BCAR3: variants seen among roughly 807,000 people sequenced by gnomAD.
BCAR3 encodes the protein BCAR3 adaptor protein, NSP family member, also known as breast cancer anti-estrogen resistance protein 3.
Under a neutral mutation model 80.1 loss-of-function variants are expected in BCAR3, and 37 were observed. The observed-to-expected ratio is 0.46, with a 90% CI of 0.36 to 0.61. The LOEUF (loss-of-function observed/expected upper bound fraction) is 0.61. Ranked by LOEUF, BCAR3 falls within the 20% of genes least tolerant of loss-of-function variation. The probability of loss-of-function intolerance (pLI) is 0.00; values close to 1 mark genes in which losing one functional copy is unlikely to be tolerated. For missense variants in BCAR3, 978 were observed against 1,068.2 expected, an observed-to-expected ratio of 0.92 and a Z score of 1.18; for synonymous variants, 389 against 418.9, an observed-to-expected ratio of 0.93 and a Z score of 0.87.
chr1:93,799,607 G>A (rs1253525541), intron 2 of BCAR3, among the ~76,000 whole-genome samples: 1 of 152,108 alleles, frequency 6.6e-6, no homozygotes, highest in African/African-American at 2.4e-5. Context: ...TTTTTCTTTA[G>A]ATAACTTATG....
At chr1:93,707,210 CTG>C (rs1202734072) in intron 2 of BCAR3, among the ~76,000 whole-genome samples, 2 of 151,972 alleles carry the variant, frequency 1.3e-5, no homozygotes, top group Non-Finnish European at 2.9e-5. Flanking sequence ...TTAAAACAAA[CTG>C]TATAATATTA....
intron 3 of BCAR3, among the ~76,000 whole-genome samples, chr1:93,593,284 G>C (rs1674284605): frequency 6.6e-6 from 1 of 152,194 alleles, no homozygotes; most frequent in Non-Finnish European, 1.5e-5. Context: ...GTTCTCCCAA[G>C]TTTCCCAGCT....
intron 2 of BCAR3, among the ~76,000 whole-genome samples, chr1:93,662,004 C>T (rs527292080): frequency 3.3e-5 from 5 of 152,264 alleles, no homozygotes; most frequent in Admixed American, 2.0e-4. Context: ...ACACGTGATG[C>T]GAGAAATTCC....
chr1:93,840,347 C>T (rs978567223), intron 2 of BCAR3, among the ~76,000 whole-genome samples: 1 of 152,128 alleles, frequency 6.6e-6, no homozygotes, highest in Non-Finnish European at 1.5e-5. Context: ...ATCCTGCCTA[C>T]CTTAGAGGGT....
At chr1:93,776,060 C>T (rs939564347) in intron 2 of BCAR3, among the ~76,000 whole-genome samples, 1 of 152,118 alleles carries the variant, frequency 6.6e-6, no homozygotes, top group African/African-American at 2.4e-5. Context: ...AGCAATCAAG[C>T]TGCAGTGAAT....
intron 2 of BCAR3, among the ~76,000 whole-genome samples, chr1:93,820,195 C>T (rs1469841229): frequency 6.6e-6 from 1 of 152,126 alleles, no homozygotes; most frequent in East Asian, 1.9e-4. Context: ...AACTAGTTTT[C>T]GATGCTCTTA....
chr1:93,839,523 T>C (rs1167930848), intron 2 of BCAR3, among the ~76,000 whole-genome samples: 2 of 152,192 alleles, frequency 1.3e-5, no homozygotes, highest in Non-Finnish European at 2.9e-5. Flanking sequence ...AGTATGGTCA[T>C]TGCCTAACTG....
chr1:93,737,093 T>A (rs955407767), intron 2 of BCAR3, among the ~76,000 whole-genome samples: 1 of 152,162 alleles, frequency 6.6e-6, no homozygotes, highest in Admixed American at 6.5e-5. Context: ...TATGTGACCA[T>A]TTTTAAGTTG....
intron 3 of BCAR3, among the ~76,000 whole-genome samples, chr1:93,608,997 C>T (rs1260314138): frequency 6.6e-6 from 1 of 152,178 alleles, no homozygotes; most frequent in African/African-American, 2.4e-5. Flanking sequence ...CCCAAGCTGT[C>T]ACCGTAACAG....
chr1:93,760,039 C>G (rs999179513), intron 2 of BCAR3, among the ~76,000 whole-genome samples: 1 of 152,082 alleles, frequency 6.6e-6, no homozygotes, highest in African/African-American at 2.4e-5. Context: ...GGAAGGGTAA[C>G]TTACGTAAAC....
chr1:93,571,091 C>A (rs1673191671), intron 9 of BCAR3, among the ~76,000 whole-genome samples: 1 of 152,054 alleles, frequency 6.6e-6, no homozygotes, highest in African/African-American at 2.4e-5. Flanking sequence ...GTTATCCCAG[C>A]TACTCAGGAG....
intron 2 of BCAR3, among the ~76,000 whole-genome samples, chr1:93,830,701 T>C (rs1477196364): frequency 6.6e-6 from 1 of 152,172 alleles, no homozygotes; most frequent in Non-Finnish European, 1.5e-5. Flanking sequence ...GCTTTATTGC[T>C]CACACAAAGC....
intron 2 of BCAR3, among the ~76,000 whole-genome samples, chr1:93,740,728 T>C (rs1047984521): frequency 3.3e-5 from 5 of 152,096 alleles, no homozygotes; most frequent in Non-Finnish European, 5.9e-5. Context: ...GCCTTTCCCA[T>C]CCTTTTTGTT....
intron 2 of BCAR3, among the ~76,000 whole-genome samples, chr1:93,654,923 T>G (rs1370498129): frequency 6.6e-6 from 1 of 152,216 alleles, no homozygotes; most frequent in Non-Finnish European, 1.5e-5. Flanking sequence ...TTATAGTAAA[T>G]GTCTGTTTGC....
intron 9 of BCAR3, 37 bp from the exon 10 acceptor site, chr1:93,567,888 T>A (rs757737934): frequency 1.2e-5 from 19 of 1,551,704 alleles, no homozygotes; most frequent in Middle Eastern, 1.7e-4. Context: ...AGGTTCTTTT[T>A]AAAATTACCT....
intron 3 of BCAR3, among the ~76,000 whole-genome samples, chr1:93,595,964 T>C (rs565082096): frequency 2.4e-4 from 36 of 152,240 alleles, no homozygotes; most frequent in Non-Finnish European, 7.3e-5. Flanking sequence ...ATTTTTTCCC[T>C]GGAATGCAAG....
chr1:93,727,855 A>G (rs12029067), intron 2 of BCAR3, among the ~76,000 whole-genome samples: 1 of 152,352 alleles, frequency 6.6e-6, no homozygotes, highest in East Asian at 1.9e-4. Flanking sequence ...CTATCTTTGC[A>G]GATGTAATGA....
At chr1:93,739,575 G>A (rs1180128148) in intron 2 of BCAR3, among the ~76,000 whole-genome samples, 1 of 152,156 alleles carries the variant, frequency 6.6e-6, no homozygotes, top group Non-Finnish European at 1.5e-5. Flanking sequence ...GAGCTGGAAG[G>A]ATCCCACAGC....
chr1:93,589,374 C>T lies in BCAR3; in HGVS notation c.532G>A (p.Asp178Asn), dbSNP rs1674081443. Reference protein sequence around the residue: ...VQRDGDFLVRDSLSSPGNFVL... With the variant: ...VQRDGDFLVRNSLSSPGNFVL... Reference sequence around the variant, plus strand: ...AAGTTCCCAGGGCTGGACAGAGAGTCACGAACTAGGAAGTCACCATCTCGC... The same window carrying T: ...AAGTTCCCAGGGCTGGACAGAGAGTTACGAACTAGGAAGTCACCATCTCGC... Residue 178 changes from aspartate to asparagine, a missense_variant, in exon 5 of 12, where the codon GAC becomes AAC. Asp to Asn is a conservative substitution (Grantham distance 23, BLOSUM62 1). Coordinates refer to ENST00000260502, the MANE Select transcript of BCAR3 (RefSeq NM_003567.4). 2 of 1,613,724 alleles carry T rather than the reference C, an allele frequency of 1.2e-6. No individual in the cohort carries two copies. The highest frequency in any genetic ancestry group is 1.7e-6 in the Non-Finnish European group (2 of 1,180,012).
Sources: gnomAD v4.1 joint callset for allele counts (sites outside exome capture counted in the v4.1 genomes callset) on GRCh38, gnomAD v4.1.1 for gene constraint, MANE v1.5 for transcripts, NCBI Gene and HGNC (gene_info 2026-07-23, HGNC 2026-07-21) for gene names.